PTCHD4: variants seen among roughly 807,000 people sequenced by gnomAD.
The protein encoded by PTCHD4 is patched domain-containing protein 4.
In PTCHD4, 33 loss-of-function variants were observed where a neutral mutation model predicts 58.1. The observed-to-expected ratio is 0.57, with a 90% CI of 0.43 to 0.76. The LOEUF (loss-of-function observed/expected upper bound fraction) is 0.76. Among genes scored for constraint, PTCHD4 ranks in the 30% least tolerant of loss-of-function variants. The pLI is 0.00. For synonymous variants in PTCHD4, 478 were observed against 409.6 expected, an observed-to-expected ratio of 1.17 and a Z score of -2.02; for missense variants, 1,058 against 1,027.1, an observed-to-expected ratio of 1.03 and a Z score of -0.41.
chr6:47,910,635 C>T (rs1765039651), intron 4 of PTCHD4, among the ~76,000 whole-genome samples: 1 of 152,034 alleles, frequency 6.6e-6, no homozygotes, highest in Non-Finnish European at 1.5e-5. Context: ...TGTGAGTCTA[C>T]ATATTTTTTA....
At chr6:48,035,311 C>G (rs961662682) in intron 3 of PTCHD4, among the ~76,000 whole-genome samples, 1 of 152,026 alleles carries the variant, frequency 6.6e-6, no homozygotes, top group Non-Finnish European at 1.5e-5. Context: ...TTGGGAAAAT[C>G]AATCTTCCAG....
chr6:47,914,448 C>G (rs1044017563), intron 4 of PTCHD4, among the ~76,000 whole-genome samples: 16 of 152,032 alleles, frequency 1.1e-4, no homozygotes, highest in African/African-American at 3.9e-4. Context: ...GGAGAATTTG[C>G]TCTCTCTGAC....
At chr6:47,923,739 T>A (rs764202187) in intron 4 of PTCHD4, among the ~76,000 whole-genome samples, 18 of 152,226 alleles carry the variant, frequency 1.2e-4, no homozygotes, top group Non-Finnish European at 2.6e-4. Flanking sequence ...GTTTTTCTCA[T>A]CTGAACTTTT....
At chr6:48,084,950 C>T (rs1765235047) in intron 1 of PTCHD4, among the ~76,000 whole-genome samples, 1 of 151,796 alleles carries the variant, frequency 6.6e-6, no homozygotes, top group African/African-American at 2.4e-5. Context: ...CACCATGTTG[C>T]CCAGGCTGGT....
intron 3 of PTCHD4, among the ~76,000 whole-genome samples, chr6:48,014,350 T>C (rs1762794099): frequency 6.6e-6 from 1 of 152,168 alleles, no homozygotes; most frequent in African/African-American, 2.4e-5. Flanking sequence ...AGCTCACAGA[T>C]GCTTCTATGT....
chr6:48,076,183 A>C (rs1369234964), intron 1 of PTCHD4, among the ~76,000 whole-genome samples: 1 of 152,230 alleles, frequency 6.6e-6, no homozygotes, highest in Non-Finnish European at 1.5e-5. Context: ...ACAACTCTTC[A>C]TCCATTAAAA....
At chr6:48,056,709 G>A (rs917898925) in intron 3 of PTCHD4, among the ~76,000 whole-genome samples, 20 of 152,216 alleles carry the variant, frequency 1.3e-4, no homozygotes, top group Middle Eastern at 3.4e-3. Flanking sequence ...CTTCACCTAT[G>A]CATTTCTAGG....
chr6:48,106,951 G>A (rs924042341), intron 1 of PTCHD4, among the ~76,000 whole-genome samples: 18 of 152,108 alleles, frequency 1.2e-4, no homozygotes, highest in Non-Finnish European at 2.6e-4. Flanking sequence ...AAATAAAAGA[G>A]TATACAAACA....
chr6:48,091,416 T>G (rs534906372), intron 1 of PTCHD4, among the ~76,000 whole-genome samples: 45 of 152,076 alleles, frequency 3.0e-4, no homozygotes, highest in Admixed American at 5.2e-4. Flanking sequence ...ACCCAGACCT[T>G]CTGAATCAGA....
chr6:48,032,162 G>C (rs138822039), intron 3 of PTCHD4, among the ~76,000 whole-genome samples: 1 of 151,458 alleles, frequency 6.6e-6, no homozygotes, highest in African/African-American at 2.4e-5. Context: ...TTAAAAGAAA[G>C]TGTGTATGAA....
At chr6:48,022,665 T>A (rs1763108056) in intron 3 of PTCHD4, among the ~76,000 whole-genome samples, 1 of 152,130 alleles carries the variant, frequency 6.6e-6, no homozygotes, top group Non-Finnish European at 1.5e-5. Flanking sequence ...GCTGATGTGA[T>A]GTATTTTAGT....
At chr6:48,028,139 C>T (rs903808952) in intron 3 of PTCHD4, among the ~76,000 whole-genome samples, 8 of 151,916 alleles carry the variant, frequency 5.3e-5, no homozygotes, top group Admixed American at 3.3e-4. Context: ...GACAGGGTTT[C>T]GCATTGTTGG....
At chr6:48,009,778 A>C (rs1762603068) in intron 3 of PTCHD4, among the ~76,000 whole-genome samples, 1 of 152,244 alleles carries the variant, frequency 6.6e-6, no homozygotes, top group Non-Finnish European at 1.5e-5. Context: ...CACCTGCCTC[A>C]GACATAGGTT....
At chr6:47,897,811 C>G (rs1341478527) in intron 4 of PTCHD4, among the ~76,000 whole-genome samples, 2 of 152,030 alleles carry the variant, frequency 1.3e-5, no homozygotes, top group East Asian at 3.9e-4. Context: ...GATTGCCACA[C>G]AATATCTATG....
intron 4 of PTCHD4, among the ~76,000 whole-genome samples, chr6:47,952,889 A>C (rs1359987433): frequency 6.6e-6 from 1 of 152,024 alleles, no homozygotes; most frequent in Non-Finnish European, 1.5e-5. Flanking sequence ...GACTGTATAT[A>C]GTATATATAC....
At chr6:47,913,767 A>T (rs1422792296) in intron 4 of PTCHD4, among the ~76,000 whole-genome samples, 2 of 152,168 alleles carry the variant, frequency 1.3e-5, no homozygotes, top group African/African-American at 4.8e-5. Flanking sequence ...GAGATGCCGA[A>T]ACTGAAGAAT....
chr6:48,028,163 G>A (rs111575199), intron 3 of PTCHD4, among the ~76,000 whole-genome samples: 99 of 151,978 alleles, frequency 6.5e-4, no homozygotes, highest in African/African-American at 2.1e-3. Flanking sequence ...GCCTGGTCTC[G>A]AACACCTAGC....
intron 3 of PTCHD4, among the ~76,000 whole-genome samples, chr6:48,058,668 GA>G (rs1320754493): frequency 6.6e-6 from 1 of 152,126 alleles, no homozygotes; most frequent in African/African-American, 2.4e-5. Context: ...AACCAAGAGG[GA>G]AGAAAGTGGT....
chr6:48,084,385 C>T (rs560911398), intron 1 of PTCHD4, among the ~76,000 whole-genome samples: 13 of 152,214 alleles, frequency 8.5e-5, no homozygotes, highest in African/African-American at 2.6e-4. Flanking sequence ...ATGAAAATTC[C>T]TTTGCACTTT....
Sources: gnomAD v4.1 joint callset for allele counts (sites outside exome capture counted in the v4.1 genomes callset) on GRCh38, gnomAD v4.1.1 for gene constraint, MANE v1.5 for transcripts, NCBI Gene and HGNC (gene_info 2026-07-23, HGNC 2026-07-21) for gene names.